The following PPEF1 variants were observed in gnomAD, a reference collection of about 807,000 sequenced individuals.
PPEF1 encodes the protein protein phosphatase with EF-hand domain 1.
Under a neutral mutation model 53.3 loss-of-function variants are expected in PPEF1, and 12 were observed. The ratio of observed to expected loss-of-function variants is 0.23; its 90% confidence interval spans 0.14 to 0.36. The LOEUF (loss-of-function observed/expected upper bound fraction) is 0.36. Ranked by LOEUF, PPEF1 falls within the 10% of genes least tolerant of loss-of-function variation. PPEF1 has a pLI of 1.00. For missense variants in PPEF1, 334 were observed against 490.4 expected (o/e 0.68, Z 3.01); for synonymous variants, 165 against 176.7 (o/e 0.93, Z 0.52).
chrX:18,740,858 T>C (rs1383945613), intron 3 of PPEF1, among the ~76,000 whole-genome samples: 1 of 111,245 alleles, frequency 9.0e-6, no homozygotes, highest in Non-Finnish European at 1.9e-5. Flanking sequence ...CTGCCTGTTA[T>C]TATCTCCAAG....
intron 3 of PPEF1, among the ~76,000 whole-genome samples, chrX:18,744,711 G>A (rs1006247901): frequency 4.6e-5 from 5 of 107,950 alleles, no homozygotes; most frequent in South Asian, 3.9e-4. Context: ...ATTGGTTATC[G>A]GTAGTGTTTA....
chrX:18,702,254 A>G (rs1930178249), intron 6 of PPEF1, among the ~76,000 whole-genome samples: 1 of 110,545 alleles, frequency 9.0e-6, no homozygotes, highest in Non-Finnish European at 1.9e-5. Context: ...TGCTAGCACA[A>G]TCTACGGGGG....
upstream of PPEF1, among the ~76,000 whole-genome samples, chrX:18,705,988 C>T (rs1396998326): frequency 9.1e-6 from 1 of 110,337 alleles, no homozygotes; most frequent in Non-Finnish European, 1.9e-5. Context: ...GCAAATAGGG[C>T]TGGGCAAGAT....
chrX:18,685,405 G>A (rs1429424394), intron 2 of PPEF1, among the ~76,000 whole-genome samples: 2 of 111,851 alleles, frequency 1.8e-5, no homozygotes, highest in East Asian at 5.6e-4. Flanking sequence ...AGTGGGTTCT[G>A]CCAGGCACGG....
At chrX:18,789,924 A>G (rs1342036611) in intron 10 of PPEF1, among the ~76,000 whole-genome samples, 2 of 112,301 alleles carry the variant, frequency 1.8e-5, no homozygotes, top group African/African-American at 6.5e-5. Context: ...TTTTCTGTGC[A>G]TGTATGTTTT....
At chrX:18,755,191 A>G (rs2045521449) in intron 4 of PPEF1, among the ~76,000 whole-genome samples, 1 of 109,708 alleles carries the variant, frequency 9.1e-6, no homozygotes, top group African/African-American at 3.3e-5. Flanking sequence ...GTACAGAGTA[A>G]AAAAAAAAGG....
At chrX:18,748,356 C>G (rs938454838) in intron 3 of PPEF1, among the ~76,000 whole-genome samples, 1 of 112,045 alleles carries the variant, frequency 8.9e-6, no homozygotes, top group African/African-American at 3.2e-5. Flanking sequence ...ATAACTGGAT[C>G]ATGAAAAAAA....
At chrX:18,705,359 T>A (rs73458621), upstream of PPEF1, among the ~76,000 whole-genome samples, 9,243 of 111,182 alleles carry the variant, frequency 0.083, 719 homozygotes, top group African/African-American at 0.24. Context: ...TTGGATCTGA[T>A]CTTGTTAATG....
At chrX:18,744,622 C>T (rs1387836031) in intron 3 of PPEF1, among the ~76,000 whole-genome samples, 1 of 111,607 alleles carries the variant, frequency 9.0e-6, no homozygotes, top group Admixed American at 9.6e-5. Context: ...CTCAGATCAG[C>T]CAAAATGTCC....
chrX:18,726,524 T>G (rs1203991568), intron 1 of PPEF1, among the ~76,000 whole-genome samples: 1 of 111,565 alleles, frequency 9.0e-6, no homozygotes, highest in Non-Finnish European at 1.9e-5. Context: ...GAGACTCGCC[T>G]TTCTGAACTC....
intron 1 of PPEF1, 121 bp downstream of exon 1, chrX:18,707,947 G>T: frequency 1.7e-6 from 1 of 597,887 alleles, no homozygotes; most frequent in Non-Finnish European, 2.7e-6. Flanking sequence ...ATTTGCACAA[G>T]GCATCGTTAG....
At chrX:18,821,758 CGAGA>C (rs754652406) in intron 13 of PPEF1, among the ~76,000 whole-genome samples, 3,299 of 28,437 alleles carry the variant, frequency 0.12, 53 homozygotes, top group Middle Eastern at 0.14. Context: ...GAAACCATGG[CGAGA>C]GAGAGAGAGA....
chrX:18,752,772 C>A (rs1397123252), intron 4 of PPEF1, among the ~76,000 whole-genome samples: 1 of 105,711 alleles, frequency 9.5e-6, no homozygotes, highest in Non-Finnish European at 1.9e-5. Flanking sequence ...GCGTTTTTTA[C>A]CCTTCGTTCT....
At chrX:18,759,753 A>G (rs1276891737) in intron 5 of PPEF1, among the ~76,000 whole-genome samples, 1 of 111,981 alleles carries the variant, frequency 8.9e-6, no homozygotes, top group Non-Finnish European at 1.9e-5. Flanking sequence ...TGCTGGTGAT[A>G]TAGAATTTCT....
chrX:18,692,017 T>C (rs775956544), intron 4 of PPEF1, among the ~76,000 whole-genome samples: 3 of 112,086 alleles, frequency 2.7e-5, no homozygotes, highest in African/African-American at 9.7e-5. Flanking sequence ...TATTCCCCAG[T>C]GTTCTGCTTT....
intron 1 of PPEF1, among the ~76,000 whole-genome samples, chrX:18,723,884 A>T (rs2044645936): frequency 9.1e-6 from 1 of 109,520 alleles, no homozygotes; most frequent in Non-Finnish European, 1.9e-5. Flanking sequence ...GGTTCAAGTG[A>T]TTCTCATGCC....
intron 10 of PPEF1, among the ~76,000 whole-genome samples, chrX:18,797,611 T>C (rs1442378120): frequency 8.9e-6 from 1 of 112,138 alleles, no homozygotes; most frequent in African/African-American, 3.2e-5. Context: ...TCCGTTACCT[T>C]GCAGAGCTTA....
chrX:18,703,505 T>C (rs16980857), upstream of PPEF1, among the ~76,000 whole-genome samples: 6,220 of 111,862 alleles, frequency 0.056, 430 homozygotes, highest in African/African-American at 0.19. Context: ...ATAATGACTT[T>C]TAGCAACTAA....
At chrX:18,738,234 A>G (rs1376685355) in intron 3 of PPEF1, among the ~76,000 whole-genome samples, 1 of 110,908 alleles carries the variant, frequency 9.0e-6, no homozygotes, top group Non-Finnish European at 1.9e-5. Flanking sequence ...GGTCTTTACA[A>G]TTTGGCATGT....
Sources: allele counts gnomAD v4.1 joint callset (sites outside exome capture counted in the v4.1 genomes callset), GRCh38; gene constraint gnomAD v4.1.1; transcripts MANE v1.5; gene names NCBI Gene and HGNC (gene_info 2026-07-23, HGNC 2026-07-21).